Variants in KRT19 observed in about 807,000 individuals in gnomAD.
KRT19 encodes keratin 19.
In KRT19, 21 loss-of-function variants were observed where a neutral mutation model predicts 34.6. That is an observed-to-expected ratio of 0.61 (90% CI 0.43 to 0.87). KRT19 has a LOEUF of 0.87. Ranked by LOEUF, KRT19 falls within the 40% of genes least tolerant of loss-of-function variation. The probability of loss-of-function intolerance (pLI) is 0.00; values close to 1 mark genes in which losing one functional copy is unlikely to be tolerated. For missense variants in KRT19, 514 were observed against 545.7 expected, an observed-to-expected ratio of 0.94 and a Z score of 0.58; for synonymous variants, 240 against 245.8, an observed-to-expected ratio of 0.98 and a Z score of 0.22.
chr17:41,525,105 A>T (rs891010089), intron 2 of KRT19, 86 bp downstream of exon 2: 3 of 1,567,870 alleles, frequency 1.9e-6, no homozygotes, highest in African/African-American at 2.7e-5. Context: ...GCTTCAGGCC[A>T]TCTAGGCTAG....
intron 1 of KRT19, among the ~76,000 whole-genome samples, chr17:41,526,380 GCA>G (rs148351360): frequency 3.3e-5 from 5 of 150,610 alleles, no homozygotes; most frequent in Non-Finnish European, 4.4e-5. Context: ...GCATGTGCAC[GCA>G]CACACACACA....
rs1905804460 is a variant in KRT19, at chr17:41,524,897, C to T, written c.606G>A (p.Met202Ile). ...GCTCTTCCTTCAGGCCTTCGATCTGCATCTCCAGGTCGGTCCTGGCCAGGG... is the reference window on the plus strand; with the variant it reads ...GCTCTTCCTTCAGGCCTTCGATCTGTATCTCCAGGTCGGTCCTGGCCAGGG... ...ELTLARTDLE[M>I]QIEGLKEELA... Residue 202 changes from methionine (M) to isoleucine (I), a missense_variant, in exon 3 of 6, where the codon ATG becomes ATA. Transcript: ENST00000361566. 1.9e-6 allele frequency: 3 copies of T among 1,614,248 alleles called. No homozygotes were observed. The highest frequency in any genetic ancestry group is 4.5e-5 in the East Asian group (2 of 44,892).
chr17:41,523,926 C>T lies in KRT19; in HGVS notation c.1020G>A (p.Ala340=), dbSNP rs191206989. 3.2e-5 allele frequency: 51 copies of T among 1,613,996 alleles called. 1 individual carries two copies. The East Asian group carries it at 9.1e-4, about 29-fold the overall frequency. The change falls in exon 6 of 6, where the codon GCG becomes GCA. Residue 340 remains alanine (A), a synonymous_variant. Coordinates refer to ENST00000361566, the MANE Select transcript of KRT19 (RefSeq NM_002276.5). ...RFGAQLAHIQ[A]LISGIEAQLG... Reference sequence around the variant, plus strand: ...GCTGGGCTTCAATACCGCTGATCAGCGCCTGGATATGCGCCAGCTGGGCTC... The same window carrying T: ...GCTGGGCTTCAATACCGCTGATCAGTGCCTGGATATGCGCCAGCTGGGCTC...
intron 5 of KRT19, 51 bp downstream of exon 5, chr17:41,524,092 G>T: frequency 6.2e-7 from 1 of 1,605,794 alleles, no homozygotes; most frequent in Middle Eastern, 1.7e-4. Context: ...AGGCTGCAAG[G>T]GTATAAGTGT....
rs893425984 is a variant in KRT19 at position 41,528,202 on chromosome 17, C to T, written c.46G>A (p.Gly16Arg). The change falls in exon 1 of 6, where the codon GGA (glycine) becomes AGA (arginine). Residue 16 changes from glycine (G) to arginine (R), a missense_variant. Physicochemically the swap from Gly to Arg is moderately radical, Grantham distance 125 (BLOSUM62 -2). Transcript: ENST00000361566. ...YRQSSATSSF[G>R]GLGGGSVRFG... ...CGCACGGAGCCGCCGCCCAGGCCTC[C>T]GAAGGACGACGTGGCCGACGACTGG... is the stretch of plus-strand genomic sequence containing the variant. The T allele has an allele frequency of 6.3e-7, 1 of 1,584,640 alleles. No homozygotes were observed. Among genetic ancestry groups the T allele is most frequent in the Non-Finnish European group, 8.5e-7 (1 of 1,173,188 alleles).
In KRT19 at chr17:41,524,474, T is replaced by C. The variant is rs960981119; in HGVS notation, c.727A>G (p.Thr243Ala). The change falls in exon 4 of 6, where the codon ACC (threonine) becomes GCC (alanine). Residue 243 changes from threonine to alanine, a missense_variant. Coordinates refer to ENST00000361566, the MANE Select transcript of KRT19 (RefSeq NM_002276.5). ...TCACTCAGGATCTTGGCGAGATCGG[T>C]GCCCGGAGCGGAATCCACCTCCACA... The part of the protein sequence containing the change: ...VSVEVDSAPG[T>A]DLAKILSDMR... 6.2e-7 allele frequency: 1 copy of C among 1,614,114 alleles called. No homozygotes were observed. Among genetic ancestry groups the C allele is most frequent in the Middle Eastern group, 1.6e-4 (1 of 6,062 alleles).
At chr17:41,526,547 A>G (rs1453781804) in intron 1 of KRT19, among the ~76,000 whole-genome samples, 1 of 135,882 alleles carries the variant, frequency 7.4e-6, no homozygotes, top group African/African-American at 2.7e-5. Context: ...ACACGCCACC[A>G]TGCCAAGCTA....
chr17:41,528,285 G>A lies in KRT19; in HGVS notation c.-38C>T, dbSNP rs1279767535. The A allele has an allele frequency of 1.3e-6, 2 of 1,492,780 alleles. No individual in the cohort carries two copies. The highest frequency in any genetic ancestry group is 2.3e-5 in the East Asian group (1 of 42,844). 92.5% of individuals were successfully genotyped at this position (1,492,780 alleles called of 1,614,324 possible). On this transcript the variant is annotated 5_prime_UTR_variant, in exon 1 of 6. Coordinates refer to ENST00000361566, the MANE Select transcript of KRT19 (RefSeq NM_002276.5). ...CACGGACGGAGCAACCCTGGTCTCA[G>A]AAGCTGCGATTCGCGGGAGGAGCGG... is the stretch of plus-strand genomic sequence containing the variant.
chr17:41,528,002 T>C lies in KRT19; in HGVS notation c.246A>G (p.Leu82=). The change falls in exon 1 of 6, where the codon CTA becomes CTG. Residue 82 remains leucine, a synonymous_variant. Coordinates refer to ENST00000361566, the MANE Select transcript of KRT19 (RefSeq NM_002276.5). ...SDGLLAGNEK[L]TMQNLNDRLA... Reference sequence around the variant, plus strand: ...GGCGGTCGTTGAGGTTCTGCATGGTTAGCTTCTCGTTGCCCGCCAGCAGCC... The same window carrying C: ...GGCGGTCGTTGAGGTTCTGCATGGTCAGCTTCTCGTTGCCCGCCAGCAGCC... The C allele has an allele frequency of 6.2e-7, 1 of 1,613,368 alleles. No homozygotes were observed. The highest frequency in any genetic ancestry group is 8.5e-7 in the Non-Finnish European group (1 of 1,179,790).
Position 41,524,216 on chromosome 17 carries a change from C to T in KRT19, c.875G>A (p.Ser292Asn), listed in dbSNP as rs1178335897. The change falls in exon 5 of 6, where the codon AGC becomes AAC. Residue 292 changes from serine (S) to asparagine (N), a missense_variant. By Grantham distance (46) the Ser-to-Asn change is conservative. Transcript: ENST00000361566. ...VAGHTEQLQM[S>N]RSEVTDLRRT... ...CCGCAGGTCAGTAACCTCGGACCTG[C>T]TCATCTGGAGCTGCTCCGTGTGGCC... 2.5e-6 allele frequency: 4 copies of T among 1,614,140 alleles called. No homozygotes were observed. In the Admixed American group the frequency reaches 5.0e-5, roughly 20 times the overall value.
At position 41,524,906 on chromosome 17, in the gene KRT19, G is replaced by T. The variant is rs1172709886; in HGVS notation, c.597C>A (p.Asp199Glu). 6.2e-7 allele frequency: 1 copy of T among 1,614,086 alleles called. No individual in the cohort carries two copies. The highest frequency in any genetic ancestry group is 8.5e-7 in the Non-Finnish European group (1 of 1,180,038). ...TCAGGCCTTCGATCTGCATCTCCAG[G>T]TCGGTCCTGGCCAGGGTCAGCTCAT... ...VLDELTLARTDLEMQIEGLKE... is the reference protein window; with the variant it reads ...VLDELTLARTELEMQIEGLKE... Residue 199 changes from aspartate (D) to glutamate (E), a missense_variant, in exon 3 of 6, where the codon GAC becomes GAA. Asp to Glu is a conservative substitution (Grantham distance 45). Coordinates refer to ENST00000361566, the MANE Select transcript of KRT19 (RefSeq NM_002276.5).
intron 1 of KRT19, among the ~76,000 whole-genome samples, chr17:41,526,839 C>T (rs1380120716): frequency 6.6e-6 from 1 of 152,158 alleles, no homozygotes; most frequent in Non-Finnish European, 1.5e-5. Flanking sequence ...ACCCAAAGTG[C>T]TGGGGTTACA....
Position 41,524,913 on chromosome 17 carries a change from C to T in KRT19, c.590G>A (p.Arg197Lys), listed in dbSNP as rs754063866. 3 of 1,614,226 alleles carry T rather than the reference C, an allele frequency of 1.9e-6. No individual in the cohort carries two copies. The highest frequency in any genetic ancestry group is 2.5e-6 in the Non-Finnish European group (3 of 1,180,036). ...RRVLDELTLARTDLEMQIEGL... is the reference protein window; with the variant it reads ...RRVLDELTLAKTDLEMQIEGL... ...TTCGATCTGCATCTCCAGGTCGGTC[C>T]TGGCCAGGGTCAGCTCATCCAGCAC... The change falls in exon 3 of 6, where the codon AGG (arginine) becomes AAG (lysine). Residue 197 changes from arginine (R) to lysine (K), a missense_variant. Coordinates refer to ENST00000361566, the MANE Select transcript of KRT19 (RefSeq NM_002276.5).
At chr17:41,525,120 G>C in intron 2 of KRT19, 71 bp downstream of exon 2, 1 of 1,555,804 alleles carries the variant, frequency 6.4e-7, no homozygotes, top group Non-Finnish European at 8.9e-7. Flanking sequence ...GGCTAGGTGA[G>C]GGCAGATTCT....
In KRT19 at chr17:41,526,562, C is replaced by CTTTTTT. The variant is rs60030898; in HGVS notation, c.420+1260_420+1265dup. Among the ~76,000 whole-genome samples, 48 of 72,196 alleles carry CTTTTTT rather than the reference C, an allele frequency of 6.6e-4. 8 individuals carry two copies. Among genetic ancestry groups the CTTTTTT allele is most frequent in the Middle Eastern group, 0.022 (1 of 46 alleles). The allele number at this position is 72,196 out of a possible 152,430, so 47.4% of individuals were successfully genotyped here. On this transcript the variant is annotated intron_variant, in intron 1 of 5. Coordinates refer to ENST00000361566, the MANE Select transcript of KRT19 (RefSeq NM_002276.5). ...ACACGCCACCATGCCAAGCTAATTC[C>CTTTTTT]TTTTTTTTTTTTTTTTTTTTTTTTT...
chr17:41,524,038 G>C (rs1186286666), intron 5 of KRT19, 41 bp from the exon 6 acceptor site: 1 of 1,601,420 alleles, frequency 6.2e-7, no homozygotes, highest in African/African-American at 1.3e-5. Flanking sequence ...GCAGAGCCTG[G>C]TTCCCGGAGA....
At chr17:41,526,231 C>T (rs144791995) in intron 1 of KRT19, among the ~76,000 whole-genome samples, 3,399 of 152,292 alleles carry the variant, frequency 0.022, 58 homozygotes, top group Non-Finnish European at 0.035. Flanking sequence ...GCCTCCGCCT[C>T]CCAAAGTGCT....
At chr17:41,524,666 G>T in intron 3 of KRT19, 126 bp from the exon 4 acceptor site, 1 of 1,255,368 alleles carries the variant, frequency 8.0e-7, no homozygotes, top group South Asian at 1.3e-5. Context: ...AACTAGCACT[G>T]GGGGACAGAC....
At chr17:41,524,765 C>G (rs1905799295) in intron 3 of KRT19, 78 bp downstream of exon 3, 4 of 1,522,844 alleles carry the variant, frequency 2.6e-6, no homozygotes, top group Non-Finnish European at 3.6e-6. Context: ...TTACCACGGT[C>G]AGAGAATACA....
Sources: allele counts gnomAD v4.1 joint callset (sites outside exome capture counted in the v4.1 genomes callset), GRCh38; gene constraint gnomAD v4.1.1; transcripts MANE v1.5; gene names NCBI Gene and HGNC (gene_info 2026-07-23, HGNC 2026-07-21).